The following ITIH1 variants were observed in gnomAD, a reference collection of about 807,000 sequenced individuals.
The protein encoded by ITIH1 is inter-alpha-trypsin inhibitor heavy chain 1.
ITIH1 carries 94 observed loss-of-function variants against 104.6 expected under a neutral mutation model. That is an observed-to-expected ratio of 0.90 (90% CI 0.76 to 1.07). ITIH1 has a LOEUF of 1.07. Among genes scored for constraint, ITIH1 ranks in the 50% least tolerant of loss-of-function variants. The probability of loss-of-function intolerance (pLI) is 0.00; values close to 1 mark genes in which losing one functional copy is unlikely to be tolerated. For synonymous variants in ITIH1, 455 were observed against 464.4 expected (o/e 0.98, Z 0.26); for missense variants, 1,193 against 1,181.4 (o/e 1.01, Z -0.14).
At chr3:52,781,857 G>T in intron 6 of ITIH1, 83 bp from the exon 7 acceptor site, 2 of 1,525,228 alleles carry the variant, frequency 1.3e-6, no homozygotes, top group South Asian at 1.2e-5. Flanking sequence ...ACACACACAC[G>T]CATGCCTTCT....
rs1699175067 is a variant in ITIH1, at chr3:52,785,379, T to C, written c.1593+150T>C. 4.2e-6 allele frequency: 3 copies of C among 713,962 alleles called. No individual in the cohort carries two copies. In the Admixed American group the frequency reaches 8.6e-5, roughly 20 times the overall value. The allele number at this position is 713,962 out of a possible 1,614,324, so 44.2% of individuals were successfully genotyped here. A position where few individuals can be genotyped will look rare whatever the true frequency, so the allele number is the denominator to read the frequency against. On this transcript the variant is annotated intron_variant, in intron 12 of 21. Transcript: ENST00000273283. ...CACCATGCCACATACACCCCAGGCCTGAACATCCCTCCACACAGGCATCCT... is the reference window on the plus strand; with the variant it reads ...CACCATGCCACATACACCCCAGGCCCGAACATCCCTCCACACAGGCATCCT...
At chr3:52,778,301 C>T (rs1262392398) in intron 2 of ITIH1, 39 bp from the exon 3 acceptor site, 2 of 1,597,736 alleles carry the variant, frequency 1.3e-6, no homozygotes, top group East Asian at 2.2e-5. Flanking sequence ...CTGACAGAGG[C>T]CCTGTCTCAG....
At chr3:52,786,819 G>C (rs1578738695) in intron 13 of ITIH1, 126 bp from the exon 14 acceptor site, 1 of 1,131,994 alleles carries the variant, frequency 8.8e-7, no homozygotes, top group East Asian at 2.6e-5. Flanking sequence ...GGACACCATG[G>C]GGGCTTAATA....
chr3:52,781,210 TCTTCTTCTTCTTCTTCTTCTTC>T (rs1699035355), intron 6 of ITIH1, among the ~76,000 whole-genome samples: 4 of 21,240 alleles, frequency 1.9e-4, no homozygotes, highest in Non-Finnish European at 3.9e-4. Context: ...TTTTTTTTTT[TCTTCTTCTTCTTCTTCTTCTTC>T]TTCTTCTTCT....
At position 52,783,211 on chromosome 3, in the gene ITIH1, C is replaced by A. The variant is rs754780434; in HGVS notation, c.1100-3C>A. Reference sequence around the variant, plus strand: ...ACACTGGTCTGCTTTCTCTTCCTTGCAGCCACAAACCTGAATGGAGGTTTG... The same window carrying A: ...ACACTGGTCTGCTTTCTCTTCCTTGAAGCCACAAACCTGAATGGAGGTTTG... On this transcript the variant is annotated splice_region_variant and splice_polypyrimidine_tract_variant and intron_variant, in intron 9 of 21. Transcript: ENST00000273283. 6.2e-7 allele frequency: 1 copy of A among 1,614,146 alleles called. No individual in the cohort carries two copies. The highest frequency in any genetic ancestry group is 1.7e-5 in the Admixed American group (1 of 60,006).
At chr3:52,791,028 C>G in intron 20 of ITIH1, 107 bp downstream of exon 20, 1 of 1,181,540 alleles carries the variant, frequency 8.5e-7, no homozygotes, top group African/African-American at 1.6e-5. Flanking sequence ...CAGGACAGGC[C>G]CACCTCCAGT....
intron 3 of ITIH1, 64 bp from the exon 4 acceptor site, chr3:52,778,878 C>T: frequency 8.1e-7 from 1 of 1,230,522 alleles, no homozygotes; most frequent in African/African-American, 1.5e-5. Flanking sequence ...CATGGACAGG[C>T]CCTCTCAGGA....
intron 3 of ITIH1, 119 bp from the exon 4 acceptor site, chr3:52,778,823 G>C: frequency 9.6e-7 from 1 of 1,043,658 alleles, no homozygotes; most frequent in South Asian, 1.4e-5. Flanking sequence ...GTTCCACCAT[G>C]GGCAGTGGAA....
chr3:52,787,595 T>A lies in ITIH1; in HGVS notation c.1907T>A (p.Met636Lys). The A allele has an allele frequency of 1.2e-6, 2 of 1,614,230 alleles. No individual in the cohort carries two copies. The highest frequency in any genetic ancestry group is 1.7e-6 in the Non-Finnish European group (2 of 1,180,028). Residue 636 changes from methionine (M) to lysine (K), a missense_variant, in exon 16 of 22, where the codon ATG becomes AAG. Met to Lys is a moderately conservative substitution (Grantham distance 95). Coordinates refer to ENST00000273283, the MANE Select transcript of ITIH1 (RefSeq NM_002215.4). Reference sequence around the variant, plus strand: ...AATATGTCCTTGTCTTCTACAGAGATGCTGGGACCCAGAAGGAGTAAGTGG... The same window carrying A: ...AATATGTCCTTGTCTTCTACAGAGAAGCTGGGACCCAGAAGGAGTAAGTGG... ...KPSEDSPPLE[M>K]LGPRRTFVLS...
rs6778100 is a variant in ITIH1, at chr3:52,790,380, G to A, written c.2322-369G>A. 9.2e-3 allele frequency: 2,659 copies of A among 288,508 alleles called. 82 individuals are homozygous for A. The highest frequency in any genetic ancestry group is 0.056 in the African/African-American group (2,471 of 44,138). The allele number at this position is 288,508 out of a possible 1,614,324, so 17.9% of individuals were successfully genotyped here. A position where few individuals can be genotyped will look rare whatever the true frequency, so the allele number is the denominator to read the frequency against. ...GTCTGCTGTGGAGGTCACAGGTGAT[G>A]AGTGGGAGTCACAGAACACGGACTC... On this transcript the variant is annotated intron_variant, in intron 19 of 21. Coordinates refer to ENST00000273283, the MANE Select transcript of ITIH1 (RefSeq NM_002215.4).
At chr3:52,782,808 G>A in intron 8 of ITIH1, 149 bp from the exon 9 acceptor site, 1 of 721,244 alleles carries the variant, frequency 1.4e-6, no homozygotes. Context: ...GGCCCGGCAG[G>A]ATGCTCCTGT....
rs1361949463 is a variant in ITIH1, at chr3:52,791,563, A to G, written c.2541A>G (p.Pro847=). 11 of 1,614,130 alleles carry G rather than the reference A, an allele frequency of 6.8e-6. No individual in the cohort carries two copies. The highest frequency in any genetic ancestry group is 1.6e-4 in the Middle Eastern group (1 of 6,062). Residue 847 remains proline (P), a synonymous_variant, in exon 21 of 22, where the codon CCA becomes CCG. Coordinates refer to ENST00000273283, the MANE Select transcript of ITIH1 (RefSeq NM_002215.4). ...PIGFEVSDIH[P]GSDPTKPDAT... is the part of the protein sequence containing the mutation. ...GTTTTGAAGTGTCTGACATCCACCC[A>G]GGCTCTGACCCCACAAAGCCAGATG... is the stretch of plus-strand genomic sequence containing the variant.
At chr3:52,790,161 C>G in intron 19 of ITIH1, 2 of 457,740 alleles carry the variant, frequency 4.4e-6, no homozygotes, top group South Asian at 5.0e-5. Context: ...CTCTTCCCCT[C>G]AGCCCTCCTG....
chr3:52,781,199 T>TC (rs1699025737), intron 6 of ITIH1, among the ~76,000 whole-genome samples: 9 of 42,884 alleles, frequency 2.1e-4, no homozygotes, highest in Non-Finnish European at 3.3e-4. Flanking sequence ...CTCCTCTTCT[T>TC]TTTTTTTTTT....
intron 6 of ITIH1, among the ~76,000 whole-genome samples, chr3:52,781,231 TC>T (rs1172896271): frequency 3.2e-4 from 25 of 78,734 alleles, no homozygotes; most frequent in African/African-American, 1.0e-3. Context: ...TTCTTCTTCT[TC>T]TTCTTCTTCT....
Position 52,788,045 on chromosome 3 carries a change from C to T in ITIH1, c.1984C>T (p.Leu662=). ...PTHSSSNTQR[L]PDRVTGVDTD... Reference sequence around the variant, plus strand: ...TCATTCCAGCTCCAATACCCAGCGGCTGCCAGACCGAGTGACCGGCGGTGA... The same window carrying T: ...TCATTCCAGCTCCAATACCCAGCGGTTGCCAGACCGAGTGACCGGCGGTGA... The change falls in exon 17 of 22, where the codon CTG becomes TTG. Residue 662 remains leucine, a synonymous_variant. Transcript: ENST00000273283. 1 of 1,610,032 alleles carries T rather than the reference C, an allele frequency of 6.2e-7. No individual in the cohort carries two copies. Among genetic ancestry groups the T allele is most frequent in the Non-Finnish European group, 8.5e-7 (1 of 1,177,766 alleles).
chr3:52,787,763 G>A, intron 16 of ITIH1, 151 bp downstream of exon 16: 1 of 992,410 alleles, frequency 1.0e-6, no homozygotes, highest in South Asian at 1.3e-5. Flanking sequence ...CCAGCCTGAG[G>A]TCCCTGGGGG....
chr3:52,783,311 C>G lies in ITIH1; in HGVS notation c.1197C>G (p.Ile399Met), dbSNP rs12638839. 3.5e-5 allele frequency: 56 copies of G among 1,614,162 alleles called. No homozygotes were observed. The East Asian group carries it at 1.1e-3, about 31-fold the overall frequency. The change falls in exon 10 of 22, where the codon ATC becomes ATG. Residue 399 changes from isoleucine (I) to methionine (M), a missense_variant. Ile to Met is a conservative substitution (Grantham distance 10). Coordinates refer to ENST00000273283, the MANE Select transcript of ITIH1 (RefSeq NM_002215.4). ...TCAGCAACCATGCCTCAATACTCAT[C>G]ATGTTGACAGATGGCGATCCCACAG... ...PELSNHASIL[I>M]MLTDGDPTEG...
Position 52,779,225 on chromosome 3 carries a change from C to T in ITIH1, c.410+179C>T, listed in dbSNP as rs918602154. Among the ~76,000 whole-genome samples, 4 of 152,236 alleles carry T rather than the reference C, an allele frequency of 2.6e-5. No individual in the cohort carries two copies. The highest frequency in any genetic ancestry group is 9.6e-5 in the African/African-American group (4 of 41,468). On this transcript the variant is annotated intron_variant, in intron 4 of 21. Coordinates refer to ENST00000273283, the MANE Select transcript of ITIH1 (RefSeq NM_002215.4). The surrounding 1 kb of genome is among the most constrained non-coding windows in gnomAD (Gnocchi z 4.4). The stretch of plus-strand genomic sequence containing the variant: ...CAGGCTGCCGTGCAGTTGCCCTTTT[C>T]CCAGATATGCCACTGGGAGAAGTGG...
Sources: gnomAD v4.1 joint callset for allele counts (sites outside exome capture counted in the v4.1 genomes callset) on GRCh38, gnomAD v4.1.1 for gene constraint, Gnocchi (gnomAD v3.1) non-coding constraint, MANE v1.5 for transcripts, NCBI Gene and HGNC (gene_info 2026-07-23, HGNC 2026-07-21) for gene names.